The following AKAP7 variants were observed in gnomAD, a reference collection of about 807,000 sequenced individuals.
The protein encoded by AKAP7 is A kinase (PRKA) anchor protein 7.
Under a neutral mutation model 39.5 loss-of-function variants are expected in AKAP7, and 39 were observed. The ratio of observed to expected loss-of-function variants is 0.99; its 90% confidence interval spans 0.76 to 1.29. AKAP7 has a LOEUF of 1.29. AKAP7 is among the 50% of genes most tolerant of loss of function. The pLI is 0.00. For synonymous variants in AKAP7, 140 were observed against 139.1 expected, an observed-to-expected ratio of 1.01 and a Z score of -0.05; for missense variants, 414 against 407.7, an observed-to-expected ratio of 1.02 and a Z score of -0.13.
intron 1 of AKAP7, chr6:131,137,309 T>TA (rs1238316091): frequency 6.6e-6 from 1 of 151,770 alleles, no homozygotes; most frequent in Non-Finnish European, 1.5e-5. Flanking sequence ...CAAAATTGAG[T>TA]AGTCATTTAT....
chr6:131,129,938 C>G, the AKAP7 span, among the ~76,000 whole-genome samples: 2 of 152,104 alleles, frequency 1.3e-5, no homozygotes, highest in African/African-American at 4.8e-5. Context: ...AAAACAGAGT[C>G]AATTGTTTTG....
chr6:131,250,167 C>T, intron 7 of AKAP7: 1 of 991,204 alleles, frequency 1.0e-6, no homozygotes, highest in Non-Finnish European at 1.2e-6. Context: ...GTAATTACTG[C>T]AGTTGTCTGT....
chr6:131,243,049 T>C (rs1004785903), intron 7 of AKAP7, among the ~76,000 whole-genome samples: 1 of 152,160 alleles, frequency 6.6e-6, no homozygotes. Context: ...GCCTAGACTT[T>C]GCTGCCATCT....
intron 3 of AKAP7, among the ~76,000 whole-genome samples, chr6:131,163,307 T>C (rs1019359962): frequency 1.3e-5 from 2 of 152,246 alleles, no homozygotes; most frequent in Non-Finnish European, 2.9e-5. Flanking sequence ...GATTAGGAGT[T>C]ATATTTTGTA....
At chr6:131,192,563 C>A (rs1289710528) in intron 5 of AKAP7, among the ~76,000 whole-genome samples, 2 of 152,050 alleles carry the variant, frequency 1.3e-5, no homozygotes, top group African/African-American at 4.8e-5. Flanking sequence ...TTTGGCTGTT[C>A]CGGGTCTTTT....
At chr6:131,185,031 C>T (rs762151722) in intron 5 of AKAP7, 23 of 737,996 alleles carry the variant, frequency 3.1e-5, no homozygotes, top group African/African-American at 1.4e-4. Flanking sequence ...GATCCGCTTT[C>T]GTGCTTGACT....
chr6:131,166,052 GGATAA>G (rs1803452547), intron 4 of AKAP7, among the ~76,000 whole-genome samples: 1 of 152,072 alleles, frequency 6.6e-6, no homozygotes, highest in Admixed American at 6.6e-5. Flanking sequence ...AAAATAAAAG[GGATAA>G]GATAAAAGAC....
intron 5 of AKAP7, among the ~76,000 whole-genome samples, chr6:131,194,919 G>C (rs986881750): frequency 1.3e-5 from 2 of 151,932 alleles, no homozygotes; most frequent in African/African-American, 4.8e-5. Context: ...TTCCCAGTCT[G>C]TGTGCATCTT....
chr6:131,139,514 T>A (rs1196752833), intron 1 of AKAP7, among the ~76,000 whole-genome samples: 1 of 152,230 alleles, frequency 6.6e-6, no homozygotes, highest in Non-Finnish European at 1.5e-5. Context: ...TTTATTCATC[T>A]GGTGAAAATG....
At chr6:131,184,508 T>C in intron 5 of AKAP7, 1 of 689,400 alleles carries the variant, frequency 1.5e-6, no homozygotes, top group South Asian at 1.5e-5. Context: ...GCCGCAGATA[T>C]CGCAACATTT....
intron 7 of AKAP7, among the ~76,000 whole-genome samples, chr6:131,262,251 G>T (rs951323344): frequency 6.6e-6 from 1 of 152,140 alleles, no homozygotes; most frequent in Non-Finnish European, 1.5e-5. Flanking sequence ...TTCCCTTTGC[G>T]CAGCTGTCCA....
rs543687113 is a variant in AKAP7 at position 131,144,623 on chromosome 6, T to C, written c.20-662T>C. The stretch of plus-strand genomic sequence containing the variant: ...AAACATACACCTTCTTTCTCTTACC[T>C]CCACCCAAGGTATATGATTGTTCTA... On this transcript the variant is annotated intron_variant, in intron 1 of 7. Transcript: ENST00000431975. Among the ~76,000 whole-genome samples the C allele has an allele frequency of 9.2e-5, 14 of 152,128 alleles. 2 individuals carry two copies. The South Asian group carries it at 2.9e-3, about 32-fold the overall frequency.
intron 6 of AKAP7, among the ~76,000 whole-genome samples, chr6:131,204,039 C>T (rs1411041471): frequency 1.3e-5 from 2 of 152,018 alleles, no homozygotes; most frequent in East Asian, 3.9e-4. Flanking sequence ...ATGAGAAGAA[C>T]ATTTGTTAGG....
At chr6:131,241,627 G>GTGTGTGTGTGTGTGTATA in intron 7 of AKAP7, among the ~76,000 whole-genome samples, 8 of 86,638 alleles carry the variant, frequency 9.2e-5, no homozygotes, top group South Asian at 7.3e-4. Context: ...GTGTGTGTGT[G>GTGTGTGTGTGTGTGTATA]TATATATATA....
At chr6:131,265,864 A>G (rs978508242) in intron 7 of AKAP7, among the ~76,000 whole-genome samples, 1 of 152,108 alleles carries the variant, frequency 6.6e-6, no homozygotes, top group Non-Finnish European at 1.5e-5. Context: ...GTGTGGGGGG[A>G]AAACCCAGGC....
intron 7 of AKAP7, among the ~76,000 whole-genome samples, chr6:131,230,433 T>G (rs960053144): frequency 3.9e-5 from 6 of 152,216 alleles, no homozygotes; most frequent in African/African-American, 1.4e-4. Context: ...TGCCCATTTT[T>G]TAATGAGTTT....
chr6:131,195,733 T>C (rs758902177), intron 5 of AKAP7, among the ~76,000 whole-genome samples: 1 of 152,184 alleles, frequency 6.6e-6, no homozygotes, highest in Non-Finnish European at 1.5e-5. Context: ...GGGTAAAAGA[T>C]TTTTTTCCTT....
intron 7 of AKAP7, among the ~76,000 whole-genome samples, chr6:131,269,149 G>A (rs377398143): frequency 6.6e-6 from 1 of 151,964 alleles, no homozygotes; most frequent in South Asian, 2.1e-4. Context: ...TGCAACCTTC[G>A]CCTCCTGGGT....
At chr6:131,213,835 C>T (rs564977853) in intron 6 of AKAP7, among the ~76,000 whole-genome samples, 2 of 152,276 alleles carry the variant, frequency 1.3e-5, no homozygotes, top group Admixed American at 6.5e-5. Context: ...TACGTGGGAA[C>T]AGACTGTGTT....
Sources: allele counts gnomAD v4.1 joint callset (sites outside exome capture counted in the v4.1 genomes callset), GRCh38; gene constraint gnomAD v4.1.1; transcripts MANE v1.5; gene names NCBI Gene and HGNC (gene_info 2026-07-23, HGNC 2026-07-21).